Variants in RASSF8 observed in about 807,000 individuals in gnomAD.
RASSF8 encodes the protein Ras association domain family member 8, also known as ras association domain-containing protein 8.
In RASSF8, 22 loss-of-function variants were observed where a neutral mutation model predicts 48.5. That is an observed-to-expected ratio of 0.45 (90% CI 0.32 to 0.65). RASSF8 has a LOEUF of 0.65. RASSF8 is among the 30% of genes least tolerant of loss of function. The pLI is 0.03. For missense variants in RASSF8, 418 were observed against 489.2 expected, an observed-to-expected ratio of 0.85 and a Z score of 1.37; for synonymous variants, 127 against 171.5, an observed-to-expected ratio of 0.74 and a Z score of 2.03.
chr12:26,075,612 C>T (rs1407115923), downstream of RASSF8, among the ~76,000 whole-genome samples: 1 of 152,102 alleles, frequency 6.6e-6, no homozygotes, highest in Non-Finnish European at 1.5e-5. Flanking sequence ...TGACATGGTC[C>T]AGAATGAAAG....
In RASSF8 at chr12:26,070,784, CT is replaced by C; in HGVS notation, c.*1969del. ...ACATTTTATAAATTGATCGCATTTTCTTTAAGTCAAAATGTTAAACTGGAGG... is the reference window on the plus strand; with the variant it reads ...ACATTTTATAAATTGATCGCATTTTCTTAAGTCAAAATGTTAAACTGGAGG... On this transcript the variant is annotated 3_prime_UTR_variant, in exon 6 of 6. Transcript: ENST00000689635. The C allele has an allele frequency of 1.5e-5, 15 of 982,646 alleles. No individual in the cohort carries two copies. Among genetic ancestry groups the C allele is most frequent in the Non-Finnish European group, 1.8e-5 (15 of 827,508 alleles). The allele number at this position is 982,646 out of a possible 1,614,324, so 60.9% of individuals were successfully genotyped here.
At chr12:26,048,403 T>G (rs907373578) in intron 2 of RASSF8, among the ~76,000 whole-genome samples, 1 of 151,840 alleles carries the variant, frequency 6.6e-6, no homozygotes, top group Admixed American at 6.6e-5. Flanking sequence ...GCTGGAGTGG[T>G]AGAGAGGAGG....
intron 1 of RASSF8, among the ~76,000 whole-genome samples, chr12:25,984,870 A>G (rs1941835525): frequency 6.6e-6 from 1 of 152,196 alleles, no homozygotes; most frequent in African/African-American, 2.4e-5. Context: ...TTAAAAAGTC[A>G]AGGCAGGATT....
chr12:26,068,721 T>A lies in RASSF8; in HGVS notation c.1163T>A (p.Leu388Gln), dbSNP rs74071689. 3.1e-4 allele frequency: 483 copies of A among 1,537,424 alleles called. No individual in the cohort carries two copies. In the African/African-American group the frequency reaches 5.9e-3, roughly 19 times the overall value. ...GAGGCACCATTCCAGTCTGGGTCCC[T>A]GAAGCGACCTGGTTCATCTCGGCAG... ...EREAPFQSGS[L>Q]KRPGSSRQLP... Residue 388 changes from leucine (L) to glutamine (Q), a missense_variant, in exon 6 of 6, where the codon CTG becomes CAG. Leu to Gln is a moderately radical substitution (Grantham distance 113). Transcript: ENST00000689635.
At chr12:26,013,114 T>C (rs1012900451) in intron 2 of RASSF8, among the ~76,000 whole-genome samples, 7 of 152,190 alleles carry the variant, frequency 4.6e-5, no homozygotes, top group Admixed American at 4.6e-4. Context: ...ATCAGCAGCA[T>C]GTTTTCCACA....
At chr12:26,044,765 T>C (rs1451614253) in intron 2 of RASSF8, among the ~76,000 whole-genome samples, 1 of 152,208 alleles carries the variant, frequency 6.6e-6, no homozygotes, top group East Asian at 1.9e-4. Context: ...TCTTCTCCAG[T>C]AGTATGAAAC....
intron 3 of RASSF8, among the ~76,000 whole-genome samples, chr12:26,055,861 T>TC (rs927078250): frequency 4.6e-5 from 7 of 152,214 alleles, no homozygotes; most frequent in Non-Finnish European, 8.8e-5. Context: ...ATAACATCGT[T>TC]CTTCACTGGA....
chr12:25,965,563 T>C (rs946125366), intron 1 of RASSF8, among the ~76,000 whole-genome samples: 7 of 151,716 alleles, frequency 4.6e-5, no homozygotes, highest in African/African-American at 1.2e-4. Flanking sequence ...GGTTTTGCCA[T>C]GTTGGCCAGG....
At chr12:26,066,904 T>G (rs1436499032) in intron 4 of RASSF8, among the ~76,000 whole-genome samples, 2 of 152,250 alleles carry the variant, frequency 1.3e-5, no homozygotes, top group African/African-American at 4.8e-5. Context: ...TTTCCAGCTA[T>G]CCAAACTTGA....
chr12:26,059,811 A>G (rs1187403592), intron 3 of RASSF8, among the ~76,000 whole-genome samples: 1 of 152,218 alleles, frequency 6.6e-6, no homozygotes, highest in African/African-American at 2.4e-5. Context: ...AACAGCTCCC[A>G]AAATCTTCTG....
At chr12:26,056,533 A>C (rs1202445617) in intron 3 of RASSF8, among the ~76,000 whole-genome samples, 1 of 152,232 alleles carries the variant, frequency 6.6e-6, no homozygotes, top group East Asian at 1.9e-4. Flanking sequence ...TATTGGAAGC[A>C]TGTCAATTAG....
In RASSF8 at chr12:26,069,888, C is replaced by CTTTTTA; in HGVS notation, c.*1071_*1076dup. ...ATGGAAAGGAGGTTAAACCTAGGTA[C>CTTTTTA]TTTTTAGCAAGGATATAAAGTCAAA... On this transcript the variant is annotated 3_prime_UTR_variant, in exon 6 of 6. Coordinates refer to ENST00000689635, the MANE Select transcript of RASSF8 (RefSeq NM_001394098.1). 1.0e-6 allele frequency: 1 copy of CTTTTTA among 983,062 alleles called. No individual in the cohort carries two copies. The highest frequency in any genetic ancestry group is 1.2e-6 in the Non-Finnish European group (1 of 827,804). 60.9% of individuals were successfully genotyped at this position (983,062 alleles called of 1,614,324 possible).
downstream of RASSF8, chr12:26,072,926 C>G (rs892718217): frequency 2.3e-5 from 16 of 695,144 alleles, no homozygotes; most frequent in Non-Finnish European, 2.7e-5. Flanking sequence ...AATTTTACTT[C>G]CTTTAAAAGA....
chr12:26,067,883 A>G (rs1327481150), intron 5 of RASSF8, among the ~76,000 whole-genome samples, 170 bp downstream of exon 5: 5 of 152,104 alleles, frequency 3.3e-5, no homozygotes, highest in African/African-American at 1.2e-4. Context: ...CTCCTACCTC[A>G]GCCTCCTGTA....
chr12:25,980,340 A>T (rs1324510349), intron 1 of RASSF8, among the ~76,000 whole-genome samples: 2 of 152,232 alleles, frequency 1.3e-5, no homozygotes, highest in African/African-American at 4.8e-5. Flanking sequence ...CCATATATAC[A>T]ACAAAATGGT....
intron 1 of RASSF8, among the ~76,000 whole-genome samples, chr12:25,961,703 A>G (rs1056862867): frequency 1.1e-4 from 17 of 152,174 alleles, no homozygotes; most frequent in Non-Finnish European, 2.2e-4. Context: ...TATATATTAG[A>G]TGTGCCTGGC....
In RASSF8 at chr12:26,045,240, A is replaced by G. The variant is rs114300586; in HGVS notation, c.-108-9996A>G. 2.7e-3 allele frequency among the ~76,000 whole-genome samples: 407 copies of G among 152,250 alleles called. 3 individuals are homozygous for G. Among genetic ancestry groups the G allele is most frequent in the African/African-American group, 9.6e-3 (400 of 41,564 alleles). On this transcript the variant is annotated intron_variant, in intron 2 of 5. Transcript: ENST00000689635. ...TCATGCATGATTGGTTTTACCAAAT[A>G]TTATTTTTGGCTTCCATATCCTTAA... is the stretch of plus-strand genomic sequence containing the variant.
intron 1 of RASSF8, among the ~76,000 whole-genome samples, chr12:25,967,332 A>G (rs1941382913): frequency 6.6e-6 from 1 of 152,038 alleles, no homozygotes; most frequent in African/African-American, 2.4e-5. Context: ...AAGTCTGGTG[A>G]TGAGGGTACA....
intron 3 of RASSF8, among the ~76,000 whole-genome samples, chr12:26,062,872 A>G (rs1170487524): frequency 6.6e-6 from 1 of 152,154 alleles, no homozygotes; most frequent in African/African-American, 2.4e-5. Flanking sequence ...GCGTTTTAGA[A>G]GGGAAGTTGT....
Sources: allele counts gnomAD v4.1 joint callset (sites outside exome capture counted in the v4.1 genomes callset), GRCh38; gene constraint gnomAD v4.1.1; transcripts MANE v1.5; gene names NCBI Gene and HGNC (gene_info 2026-07-23, HGNC 2026-07-21).